The following FCHO2 variants were observed in gnomAD, a reference collection of about 807,000 sequenced individuals.
FCHO2 encodes the protein F-BAR domain only protein 2.
Under a neutral mutation model 114.1 loss-of-function variants are expected in FCHO2, and 43 were observed. The observed-to-expected ratio is 0.38, with a 90% CI of 0.30 to 0.49. The LOEUF is 0.49. FCHO2 is among the 20% of genes least tolerant of loss of function. The pLI is 0.97. For synonymous variants in FCHO2, 293 were observed against 315.2 expected (o/e 0.93, Z 0.75); for missense variants, 807 against 950.4 (o/e 0.85, Z 1.98).
rs1464893562 is a variant in FCHO2, at chr5:73,089,808, C to T, written c.*1718C>T. 2.0e-5 allele frequency: 3 copies of T among 152,470 alleles called. No homozygotes were observed. The highest frequency in any genetic ancestry group is 6.6e-5 in the Admixed American group (1 of 15,260). 9.4% of individuals were successfully genotyped at this position (152,470 alleles called of 1,614,324 possible). ...AAATCTACTCTTTAGCAATATATAACACAGTATATGCTTTTTTATATATTC... is the reference window on the plus strand; with the variant it reads ...AAATCTACTCTTTAGCAATATATAATACAGTATATGCTTTTTTATATATTC... On this transcript the variant is annotated 3_prime_UTR_variant, in exon 26 of 26. Coordinates refer to ENST00000430046, the MANE Select transcript of FCHO2 (RefSeq NM_138782.3).
intron 1 of FCHO2, among the ~76,000 whole-genome samples, chr5:72,963,025 C>G (rs565917146): frequency 2.4e-4 from 37 of 152,188 alleles, no homozygotes; most frequent in African/African-American, 8.7e-4. Flanking sequence ...ATGATATCTA[C>G]TATATTGATA....
At chr5:73,035,416 C>T (rs1467269504) in intron 9 of FCHO2, among the ~76,000 whole-genome samples, 1 of 152,090 alleles carries the variant, frequency 6.6e-6, no homozygotes, top group African/African-American at 2.4e-5. Context: ...GAGACCCTGT[C>T]TCAAAAACAA....
intron 15 of FCHO2, among the ~76,000 whole-genome samples, 164 bp from the exon 16 acceptor site, chr5:73,055,901 T>G (rs1369659118): frequency 6.6e-6 from 1 of 152,176 alleles, no homozygotes; most frequent in East Asian, 1.9e-4. Flanking sequence ...GTTATTTTAA[T>G]GTACACAATA....
At position 73,017,326 on chromosome 5, in the gene FCHO2, G is replaced by T; in HGVS notation, c.796+18G>T. 6.8e-7 allele frequency: 1 copy of T among 1,466,070 alleles called. No homozygotes were observed. The highest frequency in any genetic ancestry group is 9.2e-7 in the Non-Finnish European group (1 of 1,086,208). 90.8% of individuals were successfully genotyped at this position (1,466,070 alleles called of 1,614,324 possible). ...AAGACCTGGTAAGATGATAAACTCT[G>T]CAAGGAAACATTTTAAATTTTCCCA... On this transcript the variant is annotated intron_variant, in intron 8 of 25. Coordinates refer to ENST00000430046, the MANE Select transcript of FCHO2 (RefSeq NM_138782.3).
intron 11 of FCHO2, 54 bp downstream of exon 11, chr5:73,041,369 A>G (rs2112809956): frequency 9.1e-7 from 1 of 1,095,688 alleles, no homozygotes; most frequent in Non-Finnish European, 1.4e-6. Context: ...TTTCATTAGG[A>G]CAAACCTAAC....
rs188023136 is a variant in FCHO2, at chr5:73,072,355, G to A, written c.1580-2387G>A. On this transcript the variant is annotated intron_variant, in intron 19 of 25. Transcript: ENST00000430046. ...GTGGAAAACAGTATGATTGTTCCTC[G>A]GAAAATGAAAAATGGAATTTACATA... 2.5e-3 allele frequency among the ~76,000 whole-genome samples: 375 copies of A among 151,942 alleles called. 12 individuals are homozygous for A. Among genetic ancestry groups the A allele is most frequent in the Admixed American group, 0.024 (367 of 15,218 alleles).
At chr5:73,007,472 C>T (rs1754779523) in intron 6 of FCHO2, among the ~76,000 whole-genome samples, 1 of 152,202 alleles carries the variant, frequency 6.6e-6, no homozygotes, top group Non-Finnish European at 1.5e-5. Context: ...ATATCCTCAG[C>T]TTTTAGAATA....
At position 72,975,476 on chromosome 5, in the gene FCHO2, G is replaced by A. The variant is rs372318585; in HGVS notation, c.125+6887G>A. Among the ~76,000 whole-genome samples the A allele has an allele frequency of 4.6e-5, 7 of 151,774 alleles. No individual in the cohort carries two copies. In the East Asian group the frequency reaches 5.8e-4, roughly 13 times the overall value. On this transcript the variant is annotated intron_variant, in intron 2 of 25. Transcript: ENST00000430046. ...CAAGTAGCTGGGATTATAGCCCTGC[G>A]CCATCATGTTCGGCTGATTTTTGTA...
At position 73,017,177 on chromosome 5, in the gene FCHO2, A is replaced by G. The variant is rs776672934; in HGVS notation, c.700-35A>G. The stretch of plus-strand genomic sequence containing the variant: ...TATCTGAAATACACTAAGAATGTGG[A>G]AAAAGAAAAAGTTATCTTTATTTCA... On this transcript the variant is annotated intron_variant, in intron 7 of 25. Coordinates refer to ENST00000430046, the MANE Select transcript of FCHO2 (RefSeq NM_138782.3). 1.1e-5 allele frequency: 14 copies of G among 1,264,330 alleles called. No homozygotes were observed. The Admixed American group carries it at 2.2e-4, about 20-fold the overall frequency. 78.3% of individuals were successfully genotyped at this position (1,264,330 alleles called of 1,614,324 possible). A position where few individuals can be genotyped will look rare whatever the true frequency, so the allele number is the denominator to read the frequency against.
chr5:73,000,728 T>C (rs1256873626), intron 5 of FCHO2, among the ~76,000 whole-genome samples: 1 of 151,950 alleles, frequency 6.6e-6, no homozygotes. Flanking sequence ...TGAGCCGAGA[T>C]TGTGGCATTG....
intron 5 of FCHO2, chr5:72,997,124 C>A: frequency 8.8e-7 from 1 of 1,134,154 alleles, no homozygotes. Flanking sequence ...GGATGAGATA[C>A]TTATTCACTC....
In FCHO2 at chr5:73,052,442, A is replaced by T; in HGVS notation, c.1108A>T (p.Thr370Ser). The change falls in exon 13 of 26, where the codon ACA becomes TCA. Residue 370 changes from threonine (T) to serine (S), a missense_variant. Transcript: ENST00000430046. Reference protein sequence around the residue: ...KPMHPNNSHHTMASLDELKVS... With the variant: ...KPMHPNNSHHSMASLDELKVS... ...TATGCATCCAAATAACTCACATCAC[A>T]CAATGGCTTCTTTGGATGAATTAAA... 1 of 1,601,614 alleles carries T rather than the reference A, an allele frequency of 6.2e-7. No homozygotes were observed. The highest frequency in any genetic ancestry group is 8.5e-7 in the Non-Finnish European group (1 of 1,173,448).
chr5:72,991,867 T>C (rs1273543659), intron 5 of FCHO2, among the ~76,000 whole-genome samples: 10 of 152,216 alleles, frequency 6.6e-5, no homozygotes, highest in African/African-American at 2.4e-4. Flanking sequence ...TGATGAAGCA[T>C]ATTAAACGGA....
At chr5:73,033,360 A>G (rs1166830063) in intron 8 of FCHO2, among the ~76,000 whole-genome samples, 1 of 152,154 alleles carries the variant, frequency 6.6e-6, no homozygotes, top group Non-Finnish European at 1.5e-5. Context: ...AATGGAAACT[A>G]GAACCACACA....
At chr5:73,034,502 A>T in intron 8 of FCHO2, 155 bp from the exon 9 acceptor site, 1 of 505,636 alleles carries the variant, frequency 2.0e-6, no homozygotes, top group South Asian at 3.4e-5. Context: ...CTGATATTTT[A>T]ATTATTAGGT....
chr5:73,077,459 G>C lies in FCHO2; in HGVS notation c.1813G>C (p.Glu605Gln). The change falls in exon 21 of 26, where the codon GAG (glutamate) becomes CAG (glutamine). Residue 605 changes from glutamate to glutamine, a missense_variant. Coordinates refer to ENST00000430046, the MANE Select transcript of FCHO2 (RefSeq NM_138782.3). ...CAGGGTGAAAAATATCAGCAGACTA[G>C]AGCAGATTCTTCCAAATGCACAGCT... ...CFRVKNISRL[E>Q]QILPNAQLVF... 2 of 1,603,358 alleles carry C rather than the reference G, an allele frequency of 1.2e-6. No homozygotes were observed. The highest frequency in any genetic ancestry group is 1.7e-6 in the Non-Finnish European group (2 of 1,174,652).
intron 1 of FCHO2, among the ~76,000 whole-genome samples, chr5:72,961,691 T>C (rs1460480200): frequency 6.6e-6 from 1 of 151,756 alleles, no homozygotes; most frequent in Non-Finnish European, 1.5e-5. Context: ...GCCTCCCAGG[T>C]TCAAGCAATT....
intron 17 of FCHO2, among the ~76,000 whole-genome samples, chr5:73,061,513 C>CT (rs1757851826): frequency 6.6e-6 from 1 of 151,772 alleles, no homozygotes; most frequent in Non-Finnish European, 1.5e-5. Flanking sequence ...ACTTCAGTTC[C>CT]TTTCTCACTG....
chr5:73,078,079 G>T, intron 21 of FCHO2, 101 bp from the exon 22 acceptor site: 4 of 877,850 alleles, frequency 4.6e-6, no homozygotes, highest in East Asian at 3.0e-5. Flanking sequence ...CCACCTCTTG[G>T]TTTATTTCTA....
Sources: allele counts gnomAD v4.1 joint callset (sites outside exome capture counted in the v4.1 genomes callset), GRCh38; gene constraint gnomAD v4.1.1; transcripts MANE v1.5; gene names NCBI Gene and HGNC (gene_info 2026-07-23, HGNC 2026-07-21).